Variants in MEGF11 observed in about 807,000 individuals in gnomAD.
The protein encoded by MEGF11 is multiple EGF like domains 11.
MEGF11 carries 126 observed loss-of-function variants against 146.6 expected under a neutral mutation model. The ratio of observed to expected loss-of-function variants is 0.86; its 90% CI spans 0.74 to 1.00. The LOEUF (loss-of-function observed/expected upper bound fraction) is 1.00. Among genes scored for constraint, MEGF11 ranks in the 50% least tolerant of loss-of-function variants. MEGF11 has a pLI of 0.00. For synonymous variants in MEGF11, 532 were observed against 583.4 expected, an observed-to-expected ratio of 0.91 and a Z score of 1.27; for missense variants, 1,509 against 1,521.2, an observed-to-expected ratio of 0.99 and a Z score of 0.13.
chr15:66,225,316 C>T (rs1324191218), intron 1 of MEGF11, among the ~76,000 whole-genome samples: 10 of 152,246 alleles, frequency 6.6e-5, no homozygotes, highest in African/African-American at 1.4e-4. Flanking sequence ...TGCTTGCCCA[C>T]CACCCACACT....
chr15:65,898,296 A>C lies in MEGF11; in HGVS notation c.3263-202T>G, dbSNP rs144259568. The C allele has an allele frequency of 4.3e-4, 419 of 985,426 alleles. 1 individual carries two copies. The African/African-American group carries it at 7.0e-3, about 17-fold the overall frequency. The allele number at this position is 985,426 out of a possible 1,614,324, so 61.0% of individuals were successfully genotyped here. On this transcript the variant is annotated intron_variant, in intron 25 of 25. Transcript: ENST00000395614. ...CTGTCAACATCCAAGCCTCTCATCA[A>C]CACCAAAGGATTTAAAATATCCTAG... is the stretch of plus-strand genomic sequence containing the variant.
rs913571676 is a variant in MEGF11 at position 65,952,329 on chromosome 15, A to C, written c.1287+5218T>G. Among the ~76,000 whole-genome samples, 10 of 152,174 alleles carry C rather than the reference A, an allele frequency of 6.6e-5. No homozygotes were observed. The East Asian group carries it at 1.3e-3, about 20-fold the overall frequency. Reference sequence around the variant, plus strand: ...GGGATTTGAGGTTTATTTGGTGGGCAGTGGGGAGCCACAGAGAGGGGTGAT... The same window carrying C: ...GGGATTTGAGGTTTATTTGGTGGGCCGTGGGGAGCCACAGAGAGGGGTGAT... On this transcript the variant is annotated intron_variant, in intron 10 of 25. Coordinates refer to ENST00000395614, the MANE Select transcript of MEGF11 (RefSeq NM_001385028.1).
intron 10 of MEGF11, among the ~76,000 whole-genome samples, chr15:65,953,658 C>T (rs142976832): frequency 5.4e-4 from 83 of 152,312 alleles, no homozygotes; most frequent in African/African-American, 2.0e-3. Context: ...CACCTGCCCC[C>T]TAAGTCCTAG....
At chr15:65,962,761 C>A (rs1024467833) in intron 9 of MEGF11, among the ~76,000 whole-genome samples, 4 of 152,160 alleles carry the variant, frequency 2.6e-5, no homozygotes, top group African/African-American at 9.7e-5. Flanking sequence ...CAGGGATGGA[C>A]AAGCCAGGCT....
chr15:66,067,915 G>A (rs758857276), intron 5 of MEGF11, among the ~76,000 whole-genome samples: 2 of 152,152 alleles, frequency 1.3e-5, no homozygotes, highest in Non-Finnish European at 2.9e-5. Context: ...TTAACGCCTC[G>A]CTTCAGGGCA....
In MEGF11 at chr15:66,243,935, C is replaced by A. The variant is rs1040137731; in HGVS notation, c.-9+9670G>T. 2.0e-5 allele frequency among the ~76,000 whole-genome samples: 3 copies of A among 152,180 alleles called. 1 individual carries two copies. Among genetic ancestry groups the A allele is most frequent in the Admixed American group, 2.0e-4 (3 of 15,282 alleles). On this transcript the variant is annotated intron_variant, in intron 1 of 25. Transcript: ENST00000395614. ...TACCTCAGGAAGCATGGCCACCTCACGTGGTCCACATGGCCTCTGGAAAAC... is the reference window on the plus strand; with the variant it reads ...TACCTCAGGAAGCATGGCCACCTCAAGTGGTCCACATGGCCTCTGGAAAAC...
intron 1 of MEGF11, among the ~76,000 whole-genome samples, chr15:66,211,564 C>A (rs2091454212): frequency 6.6e-6 from 1 of 151,076 alleles, no homozygotes; most frequent in South Asian, 2.1e-4. Context: ...ATGTGAGCTG[C>A]ACTCAAGGAA....
chr15:66,102,625 T>G (rs748198790), intron 4 of MEGF11, among the ~76,000 whole-genome samples: 2 of 151,928 alleles, frequency 1.3e-5, no homozygotes, highest in Non-Finnish European at 2.9e-5. Flanking sequence ...AAACAGGGTC[T>G]TTCTCATATC....
At chr15:66,210,787 C>A (rs1333566497) in intron 1 of MEGF11, among the ~76,000 whole-genome samples, 1 of 152,160 alleles carries the variant, frequency 6.6e-6, no homozygotes, top group Admixed American at 6.5e-5. Flanking sequence ...GAGCAGGAAG[C>A]ACATTAGAAT....
chr15:65,909,873 T>TGC, intron 21 of MEGF11, 67 bp from the exon 22 acceptor site: 1 of 1,380,844 alleles, frequency 7.2e-7, no homozygotes, highest in South Asian at 1.2e-5. Flanking sequence ...GTCTTCACTT[T>TGC]GCGTAGCTTC....
intron 5 of MEGF11, among the ~76,000 whole-genome samples, chr15:66,092,127 C>T (rs11305781): frequency 3.1e-5 from 3 of 97,794 alleles, no homozygotes; most frequent in South Asian, 3.3e-4. Flanking sequence ...TCAGTAGAAG[C>T]TAAAAGGTAG....
chr15:66,147,263 T>A (rs1163799163), intron 1 of MEGF11, among the ~76,000 whole-genome samples: 2 of 152,154 alleles, frequency 1.3e-5, no homozygotes, highest in African/African-American at 4.8e-5. Context: ...CCTCCCCAAA[T>A]GGCACCTTAC....
At chr15:66,085,641 A>G (rs367748102) in intron 5 of MEGF11, among the ~76,000 whole-genome samples, 139 of 152,326 alleles carry the variant, frequency 9.1e-4, no homozygotes, top group African/African-American at 3.3e-3. Context: ...TACTACATCA[A>G]GGGAATACCC....
At chr15:66,222,676 A>G (rs2091765778) in intron 1 of MEGF11, among the ~76,000 whole-genome samples, 1 of 152,250 alleles carries the variant, frequency 6.6e-6, no homozygotes. Flanking sequence ...AAATGAGCAA[A>G]GGATCTGAAT....
chr15:66,042,962 G>T (rs903718747), intron 5 of MEGF11, among the ~76,000 whole-genome samples: 1 of 152,160 alleles, frequency 6.6e-6, no homozygotes, highest in Admixed American at 6.5e-5. Context: ...TTTTTAGAGG[G>T]GACATAATTC....
In MEGF11 at chr15:66,051,932, G is replaced by GT. The variant is rs200184475; in HGVS notation, c.394+42469dup. On this transcript the variant is annotated intron_variant, in intron 5 of 25. Transcript: ENST00000395614. ...TAAGAACAGTGTAGACATGTTTGCT[G>GT]TTTTTTCAGCCCCTCCTAAGTGATG... 3.4e-3 allele frequency among the ~76,000 whole-genome samples: 523 copies of GT among 152,320 alleles called. 5 individuals are homozygous for GT. The highest frequency in any genetic ancestry group is 0.012 in the African/African-American group (500 of 41,576).
intron 1 of MEGF11, among the ~76,000 whole-genome samples, chr15:66,184,548 C>T: frequency 6.6e-6 from 1 of 151,794 alleles, no homozygotes; most frequent in East Asian, 1.9e-4. Flanking sequence ...ACTCTCCCCA[C>T]AACCCCAAAC....
intron 10 of MEGF11, among the ~76,000 whole-genome samples, chr15:65,946,950 G>C (rs957319324): frequency 6.6e-6 from 1 of 152,186 alleles, no homozygotes; most frequent in Non-Finnish European, 1.5e-5. Flanking sequence ...CCCTGGGCCT[G>C]TCTCAGGGAA....
At chr15:65,938,190 G>C (rs2141354615) in intron 10 of MEGF11, among the ~76,000 whole-genome samples, 1 of 152,348 alleles carries the variant, frequency 6.6e-6, no homozygotes, top group East Asian at 1.9e-4. Flanking sequence ...AGGGACACTG[G>C]GAATCACCTG....
Sources: gnomAD v4.1 joint callset for allele counts (sites outside exome capture counted in the v4.1 genomes callset) on GRCh38, gnomAD v4.1.1 for gene constraint, MANE v1.5 for transcripts, NCBI Gene and HGNC (gene_info 2026-07-23, HGNC 2026-07-21) for gene names.